The following CCND1 variants were observed in gnomAD, a reference collection of about 807,000 sequenced individuals.
CCND1 encodes G1/S-specific cyclin-D1.
A neutral mutation model predicts 26.1 loss-of-function variants in CCND1; 9 were observed. The observed-to-expected ratio is 0.35, with a 90% confidence interval of 0.21 to 0.60. The LOEUF (loss-of-function observed/expected upper bound fraction) is 0.60. CCND1 is among the 20% of genes least tolerant of loss of function. The pLI is 0.79. For missense variants in CCND1, 335 were observed against 392.9 expected (o/e 0.85, Z 1.25); for synonymous variants, 194 against 166.1 (o/e 1.17, Z -1.29).
intron 3 of CCND1, among the ~76,000 whole-genome samples, chr11:69,646,279 G>A (rs1855778656): frequency 6.6e-6 from 1 of 152,220 alleles, no homozygotes; most frequent in Admixed American, 6.5e-5. Context: ...ATTTAAAGGG[G>A]AAAAGAGGTG....
In CCND1 at chr11:69,653,203, C is replaced by G; in HGVS notation, c.*1921C>G. ...AGGCTCCCGAGGGGAAGGGGCGGTG[C>G]CCACACCGGGGACAGGCCGCAGCTC... is the stretch of plus-strand genomic sequence containing the variant. On this transcript the variant is annotated 3_prime_UTR_variant, in exon 5 of 5. Coordinates refer to ENST00000227507, the MANE Select transcript of CCND1 (RefSeq NM_053056.3). 2 of 687,338 alleles carry G rather than the reference C, an allele frequency of 2.9e-6. No homozygotes were observed. Among genetic ancestry groups the G allele is most frequent in the Non-Finnish European group, 5.3e-6 (2 of 377,772 alleles). The allele number at this position is 687,338 out of a possible 1,614,324, so 42.6% of individuals were successfully genotyped here.
intron 1 of CCND1, among the ~76,000 whole-genome samples, chr11:69,642,639 C>T (rs1002521017): frequency 1.3e-5 from 2 of 152,150 alleles, no homozygotes; most frequent in Admixed American, 1.3e-4. Flanking sequence ...ACCTTTGTGT[C>T]TCGCAGGCGC....
chr11:69,648,871 C>T (rs561116921), intron 4 of CCND1, among the ~76,000 whole-genome samples: 3 of 151,952 alleles, frequency 2.0e-5, no homozygotes, highest in East Asian at 1.9e-4. Flanking sequence ...GGTCTGCCCT[C>T]GAGCCTCCCG....
Position 69,641,193 on chromosome 11 carries a change from C to T in CCND1, c.-121C>T. On this transcript the variant is annotated 5_prime_UTR_variant, in exon 1 of 5. Coordinates refer to ENST00000227507, the MANE Select transcript of CCND1 (RefSeq NM_053056.3). ...GCGCAGTAGCAGCGAGCAGCAGAGT[C>T]CGCACGCTCCGGCGAGGGGCAGAAG... 2 of 991,078 alleles carry T rather than the reference C, an allele frequency of 2.0e-6. No individual in the cohort carries two copies. The highest frequency in any genetic ancestry group is 2.4e-5 in the East Asian group (1 of 41,436). The allele number at this position is 991,078 out of a possible 1,614,324, so 61.4% of individuals were successfully genotyped here.
At chr11:69,645,424 C>T (rs965395717) in intron 3 of CCND1, among the ~76,000 whole-genome samples, 2 of 152,186 alleles carry the variant, frequency 1.3e-5, no homozygotes, top group South Asian at 2.1e-4. Flanking sequence ...TGCAGATTCT[C>T]GTCCTTCCCA....
At chr11:69,648,809 C>T (rs534573626) in intron 4 of CCND1, among the ~76,000 whole-genome samples, 2 of 152,032 alleles carry the variant, frequency 1.3e-5, no homozygotes, top group Non-Finnish European at 2.9e-5. Context: ...CAGCTTGGGG[C>T]TGGGTGGGCC....
At chr11:69,649,839 C>T (rs1855833238) in intron 4 of CCND1, among the ~76,000 whole-genome samples, 1 of 152,178 alleles carries the variant, frequency 6.6e-6, no homozygotes, top group Non-Finnish European at 1.5e-5. Flanking sequence ...TTGAAGCTGG[C>T]TGGTGTTTTA....
rs1294215093 is a variant in CCND1 at position 69,653,963 on chromosome 11, C to G, written c.*2681C>G. ...ACCATAATGCTAATTTAAAGAGACT[C>G]CAAATCTCAATGAAGCCAGCTCACA... On this transcript the variant is annotated 3_prime_UTR_variant, in exon 5 of 5. Coordinates refer to ENST00000227507, the MANE Select transcript of CCND1 (RefSeq NM_053056.3). 8.6e-6 allele frequency: 5 copies of G among 578,334 alleles called. No individual in the cohort carries two copies. Among genetic ancestry groups the G allele is most frequent in the Non-Finnish European group, 1.5e-5 (5 of 325,134 alleles). The allele number at this position is 578,334 out of a possible 1,614,324, so 35.8% of individuals were successfully genotyped here.
intron 3 of CCND1, 106 bp downstream of exon 3, chr11:69,644,097 C>T (rs750552536): frequency 4.0e-5 from 44 of 1,105,196 alleles, no homozygotes; most frequent in Non-Finnish European, 5.7e-5. Flanking sequence ...GAAGATGTCC[C>T]CAGACCCCCT....
rs1430219764 is a variant in CCND1, at chr11:69,653,323, T to C, written c.*2041T>C. On this transcript the variant is annotated 3_prime_UTR_variant, in exon 5 of 5. Coordinates refer to ENST00000227507, the MANE Select transcript of CCND1 (RefSeq NM_053056.3). ...ATCTCTTTCACATTGTTTGCTGCTA[T>C]TGGAGGATCAGTTTTTTGTTTTACA... 1.4e-6 allele frequency: 1 copy of C among 702,970 alleles called. No individual in the cohort carries two copies. The highest frequency in any genetic ancestry group is 2.6e-6 in the Non-Finnish European group (1 of 384,994). 43.5% of individuals were successfully genotyped at this position (702,970 alleles called of 1,614,324 possible).
At chr11:69,645,418 G>A (rs1337980944) in intron 3 of CCND1, among the ~76,000 whole-genome samples, 4 of 152,212 alleles carry the variant, frequency 2.6e-5, no homozygotes, top group Non-Finnish European at 5.9e-5. Flanking sequence ...GGCAGGTGCA[G>A]ATTCTCGTCC....
Position 69,643,258 on chromosome 11 carries a change from A to AC in CCND1, c.414+16dup. 2.0e-6 allele frequency: 3 copies of AC among 1,537,928 alleles called. No individual in the cohort carries two copies. The Admixed American group carries it at 5.9e-5, about 30-fold the overall frequency. On this transcript the variant is annotated intron_variant, in intron 2 of 4. Coordinates refer to ENST00000227507, the MANE Select transcript of CCND1 (RefSeq NM_053056.3). Reference sequence around the variant, plus strand: ...CCGAGGAGCTGCTGGTAACCACTGGACCCCGCCGCCCCCCGCCCCCCGCGA... The same window carrying AC: ...CCGAGGAGCTGCTGGTAACCACTGGACCCCCGCCGCCCCCCGCCCCCCGCGA...
Position 69,644,177 on chromosome 11 carries a change from G to A in CCND1, c.574+186G>A, listed in dbSNP as rs1056425124. The A allele has an allele frequency of 1.4e-5, 9 of 640,050 alleles. No individual in the cohort carries two copies. The East Asian group carries it at 2.5e-4, about 18-fold the overall frequency. 39.6% of individuals were successfully genotyped at this position (640,050 alleles called of 1,614,324 possible). A position where few individuals can be genotyped will look rare whatever the true frequency, so the allele number is the denominator to read the frequency against. ...TGGATTGTTTGTCGCGCTGGATGGA[G>A]GGAGATTTGCTCCCTCACGGCCACC... is the stretch of plus-strand genomic sequence containing the variant. On this transcript the variant is annotated intron_variant, in intron 3 of 4. Coordinates refer to ENST00000227507, the MANE Select transcript of CCND1 (RefSeq NM_053056.3).
At chr11:69,645,425 G>C (rs564768193) in intron 3 of CCND1, among the ~76,000 whole-genome samples, 162 of 152,288 alleles carry the variant, frequency 1.1e-3, no homozygotes, top group African/African-American at 3.7e-3. Context: ...GCAGATTCTC[G>C]TCCTTCCCAC....
At chr11:69,641,687 A>AGGGGTG (rs1855702886) in intron 1 of CCND1, among the ~76,000 whole-genome samples, 176 bp downstream of exon 1, 1 of 139,022 alleles carries the variant, frequency 7.2e-6, no homozygotes, top group African/African-American at 2.6e-5. Context: ...TGAAGGAGGA[A>AGGGGTG]GGGGTGGGGG....
At position 69,652,756 on chromosome 11, in the gene CCND1, T is replaced by C; in HGVS notation, c.*1474T>C. 4.5e-6 allele frequency: 1 copy of C among 222,280 alleles called. No homozygotes were observed. The highest frequency in any genetic ancestry group is 8.6e-6 in the Non-Finnish European group (1 of 116,166). 13.8% of individuals were successfully genotyped at this position (222,280 alleles called of 1,614,324 possible). A position where few individuals can be genotyped will look rare whatever the true frequency, so the allele number is the denominator to read the frequency against. On this transcript the variant is annotated 3_prime_UTR_variant, in exon 5 of 5. Coordinates refer to ENST00000227507, the MANE Select transcript of CCND1 (RefSeq NM_053056.3). ...GCCAGTATGATTTATAAATGCAATC[T>C]CCCCTTGATTTAAACACACAGATAC...
chr11:69,647,652 C>T (rs3212878), intron 3 of CCND1, among the ~76,000 whole-genome samples: 109 of 152,330 alleles, frequency 7.2e-4, no homozygotes, highest in African/African-American at 2.4e-3. Context: ...TTTGTGAATA[C>T]GTGATAACAT....
chr11:69,643,820 C>T lies in CCND1; in HGVS notation c.415-12C>T, dbSNP rs2120093161. 6.2e-7 allele frequency: 1 copy of T among 1,600,486 alleles called. No individual in the cohort carries two copies. Among genetic ancestry groups the T allele is most frequent in the East Asian group, 2.2e-5 (1 of 44,566 alleles). ...GCACCTCCCCTGATGGCCGCTCACC[C>T]TGTGTTCGCAGCAAATGGAGCTGCT... is the stretch of plus-strand genomic sequence containing the variant. On this transcript the variant is annotated splice_polypyrimidine_tract_variant and intron_variant, in intron 2 of 4. Coordinates refer to ENST00000227507, the MANE Select transcript of CCND1 (RefSeq NM_053056.3).
Position 69,653,262 on chromosome 11 carries a change from A to G in CCND1, c.*1980A>G. 1.4e-6 allele frequency: 1 copy of G among 701,998 alleles called. No individual in the cohort carries two copies. Among genetic ancestry groups the G allele is most frequent in the South Asian group, 1.5e-5 (1 of 67,216 alleles). 43.5% of individuals were successfully genotyped at this position (701,998 alleles called of 1,614,324 possible). On this transcript the variant is annotated 3_prime_UTR_variant, in exon 5 of 5. Coordinates refer to ENST00000227507, the MANE Select transcript of CCND1 (RefSeq NM_053056.3). ...TATTGCGCTGCTACCGTTGACTTCCAGGCACGGTTTGGAAATATTCACATC... is the reference window on the plus strand; with the variant it reads ...TATTGCGCTGCTACCGTTGACTTCCGGGCACGGTTTGGAAATATTCACATC...
Sources: gnomAD v4.1 joint callset for allele counts (sites outside exome capture counted in the v4.1 genomes callset) on GRCh38, gnomAD v4.1.1 for gene constraint, MANE v1.5 for transcripts, NCBI Gene and HGNC (gene_info 2026-07-23, HGNC 2026-07-21) for gene names.